Variants in NYAP2 observed in about 807,000 individuals in gnomAD.
The protein encoded by NYAP2 is neuronal tyrosine-phosphorylated phosphoinositide-3-kinase adaptor 2, also known as neuronal tyrosine-phosphorylated phosphoinositide-3-kinase adapter 2.
A neutral mutation model predicts 50.4 loss-of-function variants in NYAP2; 23 were observed. The observed-to-expected ratio is 0.46, with a 90% CI of 0.33 to 0.65. The LOEUF (loss-of-function observed/expected upper bound fraction) is 0.65. Among genes scored for constraint, NYAP2 ranks in the 30% least tolerant of loss-of-function variants. NYAP2 has a pLI of 0.02. For synonymous variants in NYAP2, 394 were observed against 365.2 expected (o/e 1.08, Z -0.90); for missense variants, 885 against 861.0 (o/e 1.03, Z -0.35).
chr2:225,582,142 A>G lies in NYAP2; in HGVS notation c.725A>G (p.Glu242Gly). ...CCCGCGGGAGACCCCGAGGAAGAGG[A>G]GCCCGTGTACATCGAGATGGTGGGG... Residue 242 changes from glutamate to glycine, a missense_variant, in exon 5 of 7, where the codon GAG becomes GGG. Glu to Gly is a moderately conservative substitution (Grantham distance 98, BLOSUM62 -2). Transcript: ENST00000636099. The surrounding 1 kb of genome is among the most constrained non-coding windows in gnomAD (Gnocchi z 7.0). 6.2e-7 allele frequency: 1 copy of G among 1,613,974 alleles called. No homozygotes were observed. Among genetic ancestry groups the G allele is most frequent in the South Asian group, 1.1e-5 (1 of 91,082 alleles).
Position 225,424,158 on chromosome 2 carries a change from G to T in NYAP2, c.221+15057G>T, listed in dbSNP as rs759792269. ...TCTCAACTCTTTCAAATTAATTAAC[G>T]TAGATTTTAAAAAGTGAACCAAGAA... On this transcript the variant is annotated intron_variant, in intron 3 of 6. Coordinates refer to ENST00000636099, the Ensembl canonical transcript of NYAP2. 2.6e-5 allele frequency among the ~76,000 whole-genome samples: 4 copies of T among 152,074 alleles called. No homozygotes were observed. In the South Asian group the frequency reaches 8.3e-4, roughly 32 times the overall value.
intron 3 of NYAP2, among the ~76,000 whole-genome samples, chr2:225,470,802 T>C (rs1426567030): frequency 1.4e-5 from 2 of 142,526 alleles, no homozygotes; most frequent in African/African-American, 6.1e-5. Flanking sequence ...GAAATATATA[T>C]GTATGTATAT....
chr2:225,450,396 A>G (rs1320200999), intron 3 of NYAP2, among the ~76,000 whole-genome samples: 1 of 152,218 alleles, frequency 6.6e-6, no homozygotes, highest in African/African-American at 2.4e-5. Flanking sequence ...GGCAAACTCA[A>G]TTCAAGGTGT....
the NYAP2 span, among the ~76,000 whole-genome samples, chr2:225,675,783 T>A: frequency 6.6e-6 from 1 of 152,164 alleles, no homozygotes; most frequent in African/African-American, 2.4e-5. Context: ...CATTCTCTTT[T>A]CTCTGCTCCC....
At chr2:225,511,816 A>G (rs993626193) in intron 3 of NYAP2, among the ~76,000 whole-genome samples, 15 of 152,230 alleles carry the variant, frequency 9.9e-5, no homozygotes, top group African/African-American at 2.9e-4. Flanking sequence ...TATGAAAGAT[A>G]TAAAATTCCA....
intron 5 of NYAP2, among the ~76,000 whole-genome samples, chr2:225,592,107 G>A (rs760335205): frequency 2.6e-5 from 4 of 152,170 alleles, no homozygotes; most frequent in Non-Finnish European, 5.9e-5. Flanking sequence ...AAGGATGTAT[G>A]TTCAGGTTTC....
the NYAP2 span, among the ~76,000 whole-genome samples, chr2:225,694,047 T>C: frequency 1.3e-5 from 2 of 152,096 alleles, no homozygotes; most frequent in African/African-American, 4.8e-5. Flanking sequence ...AGGTGTGTGT[T>C]CATATGAATT....
At chr2:225,512,715 T>TTTTC (rs60128229) in intron 3 of NYAP2, among the ~76,000 whole-genome samples, 7,967 of 147,258 alleles carry the variant, frequency 0.054, 785 homozygotes, top group African/African-American at 0.19. Flanking sequence ...TTCTTTTTTC[T>TTTTC]TTTCTTTCTT....
intron 4 of NYAP2, among the ~76,000 whole-genome samples, chr2:225,557,599 A>G (rs7600152): frequency 0.16 from 24,681 of 152,192 alleles, 2,216 homozygotes; most frequent in African/African-American, 0.23. Flanking sequence ...AAGGAGCAAC[A>G]TTAAATAGTT....
chr2:225,601,161 C>T (rs1474060079), intron 5 of NYAP2, among the ~76,000 whole-genome samples: 1 of 150,296 alleles, frequency 6.7e-6, no homozygotes, highest in African/African-American at 2.4e-5. Flanking sequence ...TCTTGCTGTC[C>T]CCAGGCTGGA....
At chr2:225,453,695 T>TGTCACCCA (rs1689688745) in intron 3 of NYAP2, among the ~76,000 whole-genome samples, 1 of 152,124 alleles carries the variant, frequency 6.6e-6, no homozygotes, top group African/African-American at 2.4e-5. Context: ...AGTCTTACTC[T>TGTCACCCA]GTCACCCAGG....
intron 4 of NYAP2, among the ~76,000 whole-genome samples, chr2:225,578,173 T>C (rs1331849242): frequency 6.6e-6 from 1 of 152,048 alleles, no homozygotes; most frequent in African/African-American, 2.4e-5. Flanking sequence ...CCTCAAGTAA[T>C]CCACCTGCCT....
intron 4 of NYAP2, among the ~76,000 whole-genome samples, chr2:225,560,198 T>C (rs1362061667): frequency 1.3e-5 from 2 of 152,150 alleles, no homozygotes; most frequent in Non-Finnish European, 2.9e-5. Flanking sequence ...TACAAAAATA[T>C]AATTTTGTAA....
At chr2:225,677,556 T>C in the NYAP2 span, among the ~76,000 whole-genome samples, 2 of 152,086 alleles carry the variant, frequency 1.3e-5, no homozygotes, top group Non-Finnish European at 2.9e-5. Context: ...TTGTCCTAGA[T>C]GGGTCTTATT....
At chr2:225,466,968 G>A (rs4674992) in intron 3 of NYAP2, among the ~76,000 whole-genome samples, 65,428 of 151,974 alleles carry the variant, frequency 0.43, 17,283 homozygotes, top group African/African-American at 0.75. Flanking sequence ...GTACACTTGG[G>A]AGAGGGCCAA....
intron 2 of NYAP2, among the ~76,000 whole-genome samples, chr2:225,401,614 C>A (rs974667953): frequency 2.0e-5 from 3 of 151,978 alleles, no homozygotes; most frequent in Admixed American, 2.0e-4. Context: ...TTATTAGTCT[C>A]ATCACAATAA....
chr2:225,703,484 ATT>A, the NYAP2 span: 1 of 151,658 alleles, frequency 6.6e-6, no homozygotes, highest in South Asian at 2.1e-4. Flanking sequence ...TTTGTACTTG[ATT>A]TTTTTAGGTA....
intron 4 of NYAP2, among the ~76,000 whole-genome samples, chr2:225,516,191 A>G (rs1421842385): frequency 6.6e-6 from 1 of 152,136 alleles, no homozygotes; most frequent in Non-Finnish European, 1.5e-5. Flanking sequence ...TTTCATCGCT[A>G]GTTCCTGGGG....
rs79459895 is a variant in NYAP2, at chr2:225,415,151, C to T, written c.221+6050C>T. On this transcript the variant is annotated intron_variant, in intron 3 of 6. Coordinates refer to ENST00000636099, the Ensembl canonical transcript of NYAP2. The stretch of plus-strand genomic sequence containing the variant: ...AGGGATCTATATGAGGTTATATTTC[C>T]TCTTTAAAAGTGACAGAAATGGAAT... Among the ~76,000 whole-genome samples, 46 of 152,144 alleles carry T rather than the reference C, an allele frequency of 3.0e-4. No homozygotes were observed. In the East Asian group the frequency reaches 8.7e-3, roughly 29 times the overall value.
Sources: allele counts gnomAD v4.1 joint callset (sites outside exome capture counted in the v4.1 genomes callset), GRCh38; gene constraint gnomAD v4.1.1; non-coding constraint Gnocchi (gnomAD v3.1); transcripts MANE v1.5; gene names NCBI Gene and HGNC (gene_info 2026-07-23, HGNC 2026-07-21).